Variants in ABLIM2 observed in about 807,000 individuals in gnomAD.
ABLIM2 encodes the protein actin binding LIM protein family member 2.
In ABLIM2, 53 loss-of-function variants were observed where a neutral mutation model predicts 97.7. The observed-to-expected ratio is 0.54, with a 90% CI of 0.44 to 0.68. The LOEUF is 0.68. ABLIM2 is among the 30% of genes least tolerant of loss of function. The probability of loss-of-function intolerance (pLI) is 0.00; values close to 1 mark genes in which losing one functional copy is unlikely to be tolerated. For missense variants in ABLIM2, 835 were observed against 867.2 expected, an observed-to-expected ratio of 0.96 and a Z score of 0.47; for synonymous variants, 361 against 345.8, an observed-to-expected ratio of 1.04 and a Z score of -0.49.
rs1382804392 is a variant in ABLIM2 at position 8,044,318 on chromosome 4, G to A, written c.900+846C>T. Among the ~76,000 whole-genome samples, 1 of 151,738 alleles carries A rather than the reference G, an allele frequency of 6.6e-6. No homozygotes were observed. Among genetic ancestry groups the A allele is most frequent in the Non-Finnish European group, 1.5e-5 (1 of 67,914 alleles). ...AGGGGCAGCCTACATGGCAGTCCCG[G>A]GTGACCCCTGGCCACCACCGCATAA... On this transcript the variant is annotated intron_variant, in intron 9 of 20. Transcript: ENST00000447017. This position sits in a 1 kb window ranked among gnomAD's most constrained non-coding sequence, Gnocchi z 4.4.
At chr4:8,088,578 C>T (rs962890264) in intron 3 of ABLIM2, among the ~76,000 whole-genome samples, 11 of 152,248 alleles carry the variant, frequency 7.2e-5, no homozygotes, top group Admixed American at 6.5e-4. Context: ...GTGCTTGGCA[C>T]ATGGCAACAT....
chr4:8,152,458 C>A (rs1468088410), intron 1 of ABLIM2, among the ~76,000 whole-genome samples: 1 of 152,224 alleles, frequency 6.6e-6, no homozygotes, highest in Non-Finnish European at 1.5e-5. Flanking sequence ...TGGCCCAGGG[C>A]CCCAGGGCGG....
At chr4:8,073,818 T>C (rs891313813) in intron 6 of ABLIM2, among the ~76,000 whole-genome samples, 2 of 152,160 alleles carry the variant, frequency 1.3e-5, no homozygotes, top group Non-Finnish European at 2.9e-5. Context: ...TTGGGCATGG[T>C]GGCTCACGCC....
intron 16 of ABLIM2, among the ~76,000 whole-genome samples, chr4:7,994,872 A>G (rs1407440664): frequency 1.7e-5 from 2 of 117,128 alleles, no homozygotes; most frequent in Non-Finnish European, 4.1e-5. Flanking sequence ...AGAAACTACC[A>G]TCAGAGTGAA....
rs371123426 is a variant in ABLIM2 at position 8,151,578 on chromosome 4, C to T, written c.10+7102G>A. ...TCGAGAGCCAGATGAGAAAGGTGGG[C>T]GCAGCAGGGTCCCTAAAATGGCAGC... On this transcript the variant is annotated intron_variant, in intron 1 of 20. Coordinates refer to ENST00000447017, the MANE Select transcript of ABLIM2 (RefSeq NM_001130083.2). 1.2e-3 allele frequency among the ~76,000 whole-genome samples: 176 copies of T among 152,238 alleles called. 2 individuals carry two copies. The highest frequency in any genetic ancestry group is 3.3e-3 in the Admixed American group (51 of 15,290).
intron 9 of ABLIM2, among the ~76,000 whole-genome samples, chr4:8,038,375 A>T (rs1455088977): frequency 1.3e-5 from 2 of 152,172 alleles, no homozygotes; most frequent in East Asian, 3.9e-4. Flanking sequence ...TCTCAGGCCC[A>T]GATGCATCCC....
rs1009855020 is a variant in ABLIM2, at chr4:8,154,129, A to G, written c.10+4551T>C. 1.4e-3 allele frequency among the ~76,000 whole-genome samples: 201 copies of G among 148,740 alleles called. 1 individual carries two copies. The highest frequency in any genetic ancestry group is 6.4e-4 in the Non-Finnish European group (43 of 67,148). ...AGGCACCTGCCACCACGCCCAGCTA[A>G]TTTTTTGTATTTTTAGTAGAGATGG... On this transcript the variant is annotated intron_variant, in intron 1 of 20. Coordinates refer to ENST00000447017, the MANE Select transcript of ABLIM2 (RefSeq NM_001130083.2).
intron 2 of ABLIM2, among the ~76,000 whole-genome samples, chr4:8,105,769 A>G (rs140106391): frequency 1.4e-3 from 216 of 152,280 alleles, no homozygotes; most frequent in African/African-American, 4.5e-3. Context: ...ACATCCATCA[A>G]ATTGGTTTGA....
chr4:8,142,633 G>A (rs1225707154), intron 1 of ABLIM2, among the ~76,000 whole-genome samples: 1 of 152,218 alleles, frequency 6.6e-6, no homozygotes, highest in Non-Finnish European at 1.5e-5. Context: ...GGTGCATGGT[G>A]GGCGCTGGCA....
At chr4:8,059,222 C>G (rs1801307038) in intron 7 of ABLIM2, among the ~76,000 whole-genome samples, 2 of 152,052 alleles carry the variant, frequency 1.3e-5, no homozygotes, top group African/African-American at 4.8e-5. Context: ...GGGCTCAGAA[C>G]ATGCCACCCC....
intron 6 of ABLIM2, chr4:8,066,427 AAGGG>A (rs1300099685): frequency 7.8e-6 from 1 of 127,932 alleles, no homozygotes; most frequent in Non-Finnish European, 1.6e-5. Flanking sequence ...GGAAGGAAGG[AAGGG>A]AGGGGTGGTT....
chr4:8,152,967 A>G (rs1283497038), intron 1 of ABLIM2, among the ~76,000 whole-genome samples: 3 of 152,190 alleles, frequency 2.0e-5, no homozygotes, highest in African/African-American at 4.8e-5. Flanking sequence ...AGCCCTACCC[A>G]GGCAGAGGCA....
At chr4:7,967,619 C>T (rs549004269) in intron 20 of ABLIM2, among the ~76,000 whole-genome samples, 29 of 152,326 alleles carry the variant, frequency 1.9e-4, no homozygotes, top group Admixed American at 5.9e-4. Context: ...CTCCCTCCAC[C>T]GGAAGCCCCT....
At chr4:8,057,730 C>T (rs943519116) in intron 7 of ABLIM2, among the ~76,000 whole-genome samples, 2 of 152,224 alleles carry the variant, frequency 1.3e-5, no homozygotes, top group African/African-American at 2.4e-5. Flanking sequence ...GCGGCAGGAA[C>T]GGTGGTGGCA....
At chr4:7,980,976 C>T (rs1703834414) in intron 20 of ABLIM2, among the ~76,000 whole-genome samples, 2 of 58,492 alleles carry the variant, frequency 3.4e-5, no homozygotes, top group Admixed American at 2.6e-4. Flanking sequence ...TGGAGTCTTG[C>T]TCTGTCGCCC....
At chr4:7,989,698 C>T (rs139053794) in intron 17 of ABLIM2, among the ~76,000 whole-genome samples, 37 of 152,322 alleles carry the variant, frequency 2.4e-4, no homozygotes, top group African/African-American at 8.9e-4. Context: ...GATAACACAT[C>T]TGATTTTAAA....
At chr4:8,119,488 G>A (rs758209660) in intron 1 of ABLIM2, among the ~76,000 whole-genome samples, 19 of 151,958 alleles carry the variant, frequency 1.3e-4, no homozygotes, top group Non-Finnish European at 2.5e-4. Flanking sequence ...CCACCACACC[G>A]GGATAATTTT....
rs1380544166 is a variant in ABLIM2, at chr4:8,071,310, C to T, written c.675+6318G>A. On this transcript the variant is annotated intron_variant, in intron 6 of 20. Coordinates refer to ENST00000447017, the MANE Select transcript of ABLIM2 (RefSeq NM_001130083.2). This position sits in a 1 kb window ranked among gnomAD's most constrained non-coding sequence, Gnocchi z 6.2. ...GACACAGATATCAGCCCCTCCCATG[C>T]CCCCACAGGACCCCAGCAAGGAGCC... Among the ~76,000 whole-genome samples the T allele has an allele frequency of 6.6e-6, 1 of 152,176 alleles. No individual in the cohort carries two copies. The highest frequency in any genetic ancestry group is 1.5e-5 in the Non-Finnish European group (1 of 68,028).
chr4:7,985,967 C>G (rs1313299784), intron 17 of ABLIM2, among the ~76,000 whole-genome samples: 1 of 152,260 alleles, frequency 6.6e-6, no homozygotes, highest in African/African-American at 2.4e-5. Flanking sequence ...CTGCCCCTTG[C>G]TGGGGCCCGG....
Sources: gnomAD v4.1 joint callset for allele counts (sites outside exome capture counted in the v4.1 genomes callset) on GRCh38, gnomAD v4.1.1 for gene constraint, Gnocchi (gnomAD v3.1) non-coding constraint, MANE v1.5 for transcripts, NCBI Gene and HGNC (gene_info 2026-07-23, HGNC 2026-07-21) for gene names.